Variants in VAV3 observed in about 807,000 individuals in gnomAD.
VAV3 encodes the protein guanine nucleotide exchange factor VAV3.
Under a neutral mutation model 131.2 loss-of-function variants are expected in VAV3, and 94 were observed. The observed-to-expected ratio is 0.72, with a 90% CI of 0.61 to 0.85. The LOEUF (loss-of-function observed/expected upper bound fraction) is 0.85, where lower values mean the gene tolerates loss of function less well. Among genes scored for constraint, VAV3 ranks in the 40% least tolerant of loss-of-function variants. The pLI, the probability that VAV3 is intolerant of heterozygous loss-of-function variation, is 0.00. For synonymous variants in VAV3, 349 were observed against 342.0 expected, an observed-to-expected ratio of 1.02 and a Z score of -0.22; for missense variants, 939 against 1,002.7, an observed-to-expected ratio of 0.94 and a Z score of 0.86.
intron 1 of VAV3, among the ~76,000 whole-genome samples, chr1:107,913,791 T>C (rs761382144): frequency 5.9e-5 from 9 of 152,034 alleles, no homozygotes; most frequent in Non-Finnish European, 4.4e-5. Context: ...CAAATTATTA[T>C]TTTTTTTAAT....
At chr1:107,731,802 C>T (rs938304108) in intron 15 of VAV3, among the ~76,000 whole-genome samples, 5 of 152,116 alleles carry the variant, frequency 3.3e-5, no homozygotes, top group Non-Finnish European at 7.4e-5. Context: ...GCTTTAATCT[C>T]CTCTTCAGAG....
intron 20 of VAV3, among the ~76,000 whole-genome samples, chr1:107,619,545 G>C (rs995362969): frequency 3.9e-5 from 6 of 151,994 alleles, no homozygotes; most frequent in Non-Finnish European, 5.9e-5. Flanking sequence ...AAAGGAGTGT[G>C]GTAGGAACCA....
intron 19 of VAV3, among the ~76,000 whole-genome samples, chr1:107,652,128 G>T (rs1000465104): frequency 1.8e-4 from 27 of 152,200 alleles, no homozygotes; most frequent in Middle Eastern, 3.4e-3. Context: ...CAAGATACAG[G>T]TCATAAAGAC....
intron 15 of VAV3, among the ~76,000 whole-genome samples, chr1:107,707,057 A>C (rs1660495922): frequency 1.3e-5 from 2 of 152,204 alleles, no homozygotes; most frequent in Non-Finnish European, 1.5e-5. Flanking sequence ...AAAGCCACTA[A>C]GATGTTTTAC....
intron 24 of VAV3, among the ~76,000 whole-genome samples, chr1:107,599,318 T>C (rs974241030): frequency 4.5e-4 from 69 of 152,192 alleles, no homozygotes; most frequent in African/African-American, 1.6e-3. Context: ...TTCTGTATTT[T>C]AGTCTAATCC....
intron 20 of VAV3, among the ~76,000 whole-genome samples, chr1:107,624,462 A>G (rs886637815): frequency 2.6e-5 from 4 of 151,644 alleles, no homozygotes; most frequent in African/African-American, 4.8e-5. Flanking sequence ...AAATTTGGCA[A>G]CAAAAACCAG....
At chr1:107,907,424 A>G (rs1188533097) in intron 1 of VAV3, among the ~76,000 whole-genome samples, 1 of 152,150 alleles carries the variant, frequency 6.6e-6, no homozygotes, top group Non-Finnish European at 1.5e-5. Context: ...TAACACAAAA[A>G]TTTTAAGATA....
At chr1:107,633,998 C>T (rs1654713130) in intron 20 of VAV3, among the ~76,000 whole-genome samples, 1 of 152,066 alleles carries the variant, frequency 6.6e-6, no homozygotes, top group Non-Finnish European at 1.5e-5. Context: ...ATATAATAAT[C>T]ACAAAACTGG....
chr1:107,662,360 T>G (rs1657083620), intron 19 of VAV3, among the ~76,000 whole-genome samples: 1 of 152,170 alleles, frequency 6.6e-6, no homozygotes, highest in Admixed American at 6.5e-5. Flanking sequence ...CTGTCTCAAT[T>G]TTTACTCTGC....
At chr1:107,794,303 CCAGTA>C (rs1666438015) in intron 2 of VAV3, among the ~76,000 whole-genome samples, 2 of 152,134 alleles carry the variant, frequency 1.3e-5, no homozygotes, top group Non-Finnish European at 2.9e-5. Flanking sequence ...CACCCATGGG[CCAGTA>C]CTAATAAAAC....
Position 107,704,599 on chromosome 1 carries a change from G to C in VAV3, c.1656C>G (p.His552Gln). The change falls in exon 17 of 27, where the codon CAC becomes CAG. Residue 552 changes from histidine to glutamine, a missense_variant. Coordinates refer to ENST00000370056, the MANE Select transcript of VAV3 (RefSeq NM_006113.5). ...TGTCTACTCTTCCCAAACATTCTTT[G>C]TGTGCTCTCGCTCCACACTTAAAAC... ...YLCFKCGARA[H>Q]KECLGRVDNC... The C allele has an allele frequency of 6.2e-7, 1 of 1,613,898 alleles. No individual in the cohort carries two copies. The highest frequency in any genetic ancestry group is 8.5e-7 in the Non-Finnish European group (1 of 1,179,922).
At chr1:107,921,000 C>T (rs1032721140) in intron 1 of VAV3, among the ~76,000 whole-genome samples, 1 of 152,128 alleles carries the variant, frequency 6.6e-6, no homozygotes, top group African/African-American at 2.4e-5. Flanking sequence ...TGTACAGATA[C>T]TATCATAAAG....
At chr1:107,771,652 T>G (rs988460883) in intron 5 of VAV3, among the ~76,000 whole-genome samples, 11 of 152,218 alleles carry the variant, frequency 7.2e-5, no homozygotes, top group African/African-American at 2.7e-4. Context: ...CCCCAAGGAA[T>G]GGTAAATAAG....
chr1:107,929,907 T>A (rs1379591386), intron 1 of VAV3, among the ~76,000 whole-genome samples: 1 of 151,808 alleles, frequency 6.6e-6, no homozygotes, highest in East Asian at 1.9e-4. Flanking sequence ...GAACTGGAGG[T>A]CATTATGTTA....
chr1:107,800,372 G>T (rs34757997), intron 2 of VAV3, among the ~76,000 whole-genome samples: 15,359 of 152,036 alleles, frequency 0.1, 894 homozygotes, highest in Non-Finnish European at 0.13. Context: ...CCCTGCCCTT[G>T]TTATAAAAGC....
intron 17 of VAV3, among the ~76,000 whole-genome samples, chr1:107,692,059 A>T (rs1315030764): frequency 6.6e-6 from 1 of 152,104 alleles, no homozygotes; most frequent in Non-Finnish European, 1.5e-5. Context: ...AATGTCCAGT[A>T]AGACTGCCTA....
At chr1:107,648,690 G>T (rs1269668000) in intron 19 of VAV3, among the ~76,000 whole-genome samples, 2 of 151,944 alleles carry the variant, frequency 1.3e-5, no homozygotes, top group African/African-American at 4.8e-5. Context: ...CACCTTATTT[G>T]TCACATTATA....
chr1:107,923,442 T>C (rs951331918), intron 1 of VAV3, among the ~76,000 whole-genome samples: 1 of 152,048 alleles, frequency 6.6e-6, no homozygotes, highest in Non-Finnish European at 1.5e-5. Flanking sequence ...TGAATGAAAT[T>C]AGTGACCTTA....
intron 2 of VAV3, among the ~76,000 whole-genome samples, chr1:107,796,935 T>C (rs1316476399): frequency 7.5e-6 from 1 of 133,378 alleles, no homozygotes; most frequent in African/African-American, 2.7e-5. Flanking sequence ...AATAGTTTAA[T>C]TCAATCAAGT....
Sources: gnomAD v4.1 joint callset for allele counts (sites outside exome capture counted in the v4.1 genomes callset) on GRCh38, gnomAD v4.1.1 for gene constraint, MANE v1.5 for transcripts, NCBI Gene and HGNC (gene_info 2026-07-23, HGNC 2026-07-21) for gene names.